PXDNL: variants seen among roughly 807,000 people sequenced by gnomAD.
PXDNL encodes probable oxidoreductase PXDNL.
Under a neutral mutation model 150.8 loss-of-function variants are expected in PXDNL, and 145 were observed. That is an observed-to-expected ratio of 0.96 (90% confidence interval 0.84 to 1.10). The LOEUF (loss-of-function observed/expected upper bound fraction) is 1.10. Ranked by LOEUF, PXDNL falls within the 50% of genes least tolerant of loss-of-function variation. PXDNL has a pLI of 0.00. For missense variants in PXDNL, 2,087 were observed against 1,873.9 expected, an observed-to-expected ratio of 1.11 and a Z score of -2.10; for synonymous variants, 757 against 725.7, an observed-to-expected ratio of 1.04 and a Z score of -0.69.
intron 21 of PXDNL, among the ~76,000 whole-genome samples, chr8:51,328,030 G>T (rs745966375): frequency 7.9e-5 from 12 of 152,226 alleles, no homozygotes; most frequent in Non-Finnish European, 1.3e-4. Context: ...ATTTAAACTG[G>T]TGAATTCTGG....
intron 1 of PXDNL, among the ~76,000 whole-genome samples, chr8:51,702,803 T>A (rs1366638581): frequency 6.6e-6 from 1 of 152,194 alleles, no homozygotes; most frequent in African/African-American, 2.4e-5. Context: ...TGGCCCCCAC[T>A]TGATCAGTTG....
At chr8:51,512,178 G>A (rs1000575325) in intron 4 of PXDNL, among the ~76,000 whole-genome samples, 2 of 152,152 alleles carry the variant, frequency 1.3e-5, no homozygotes, top group African/African-American at 4.8e-5. Context: ...TTCAGAGAAG[G>A]GCAGCATAAT....
intron 1 of PXDNL, among the ~76,000 whole-genome samples, chr8:51,720,904 G>C (rs113455755): frequency 6.6e-6 from 1 of 152,216 alleles, no homozygotes; most frequent in African/African-American, 2.4e-5. Flanking sequence ...ACAACAGAGG[G>C]AACTCCACAG....
At chr8:51,732,567 C>G (rs55939600) in intron 1 of PXDNL, among the ~76,000 whole-genome samples, 1 of 152,158 alleles carries the variant, frequency 6.6e-6, no homozygotes, top group Non-Finnish European at 1.5e-5. Flanking sequence ...GCGCCCCACT[C>G]TACCAGTACC....
At chr8:51,589,173 T>C (rs1813387069) in intron 3 of PXDNL, among the ~76,000 whole-genome samples, 1 of 152,152 alleles carries the variant, frequency 6.6e-6, no homozygotes, top group African/African-American at 2.4e-5. Flanking sequence ...GTCTTGGAGC[T>C]CCCAGCCTCC....
At chr8:51,350,906 A>G (rs1347998158) in intron 19 of PXDNL, among the ~76,000 whole-genome samples, 1 of 152,172 alleles carries the variant, frequency 6.6e-6, no homozygotes, top group Non-Finnish European at 1.5e-5. Flanking sequence ...TAATTTCTTA[A>G]TAACTCCTGT....
At position 51,423,671 on chromosome 8, in the gene PXDNL, T is replaced by C. The variant is rs199695996; in HGVS notation, c.1699A>G (p.Ile567Val). 350 of 1,613,778 alleles carry C rather than the reference T, an allele frequency of 2.2e-4. 1 individual carries two copies. Among genetic ancestry groups the C allele is most frequent in the Non-Finnish European group, 2.8e-4 (332 of 1,179,826 alleles). Residue 567 changes from isoleucine (I) to valine (V), a missense_variant, in exon 14 of 23, where the codon ATC becomes GTC. Transcript: ENST00000356297. Reference protein sequence around the residue: ...FHVDDEGTLTIYDAGFPDQGR... With the variant: ...FHVDDEGTLTVYDAGFPDQGR... ...TGGTCAGGGAACCCTGCGTCGTAGA[T>C]AGTCAGCGTGCCTTCATCATCCACA... is the stretch of plus-strand genomic sequence containing the variant.
intron 1 of PXDNL, among the ~76,000 whole-genome samples, chr8:51,718,112 G>A (rs1816654431): frequency 6.6e-6 from 1 of 152,130 alleles, no homozygotes; most frequent in Admixed American, 6.5e-5. Flanking sequence ...AGCTGCCTGA[G>A]GAGGCAGGCC....
chr8:51,434,577 A>C (rs1017837165), intron 12 of PXDNL, among the ~76,000 whole-genome samples: 1 of 152,214 alleles, frequency 6.6e-6, no homozygotes, highest in Non-Finnish European at 1.5e-5. Context: ...ATATACATTA[A>C]ATGTATTTTC....
chr8:51,799,197 T>C (rs755337374), intron 1 of PXDNL, among the ~76,000 whole-genome samples: 14 of 152,044 alleles, frequency 9.2e-5, no homozygotes, highest in Non-Finnish European at 2.1e-4. Flanking sequence ...TGAGATCACA[T>C]GGACACAAGG....
chr8:51,447,594 G>A (rs938534062), intron 11 of PXDNL, among the ~76,000 whole-genome samples: 7 of 152,134 alleles, frequency 4.6e-5, no homozygotes, highest in African/African-American at 1.7e-4. Context: ...GCAGCATATC[G>A]AAAATGGTGA....
intron 1 of PXDNL, among the ~76,000 whole-genome samples, chr8:51,760,923 ATCTCAGCTCACTGCAAGC>A (rs2037157551): frequency 8.4e-6 from 1 of 118,832 alleles, no homozygotes; most frequent in East Asian, 2.8e-4. Context: ...CAGTGGCGCG[ATCTCAGCTCACTGCAAGC>A]TCCGCCTCCC....
chr8:51,465,072 G>A (rs917504167), intron 8 of PXDNL, among the ~76,000 whole-genome samples: 1 of 152,002 alleles, frequency 6.6e-6, no homozygotes, highest in Non-Finnish European at 1.5e-5. Context: ...ATATCATCCT[G>A]ATACTAAAAT....
At chr8:51,531,324 C>G (rs987062097) in intron 4 of PXDNL, among the ~76,000 whole-genome samples, 1 of 152,198 alleles carries the variant, frequency 6.6e-6, no homozygotes, top group Non-Finnish European at 1.5e-5. Flanking sequence ...TGTTCTCTAA[C>G]GAGTCTTTGC....
chr8:51,388,862 G>T (rs943616892), intron 17 of PXDNL, among the ~76,000 whole-genome samples: 1 of 151,658 alleles, frequency 6.6e-6, no homozygotes, highest in South Asian at 2.1e-4. Context: ...TAGCTACTGA[G>T]ATCTTAATTT....
chr8:51,386,598 A>G (rs1032733434), intron 17 of PXDNL, among the ~76,000 whole-genome samples: 2 of 152,070 alleles, frequency 1.3e-5, no homozygotes, highest in Admixed American at 6.6e-5. Flanking sequence ...AATAGATAAT[A>G]TATATATAGG....
At chr8:51,434,620 TA>T (rs1185469769) in intron 12 of PXDNL, among the ~76,000 whole-genome samples, 1 of 152,238 alleles carries the variant, frequency 6.6e-6, no homozygotes, top group African/African-American at 2.4e-5. Context: ...GAATGTTTGC[TA>T]ATAATCTTTT....
At chr8:51,565,110 T>C (rs745319608) in intron 3 of PXDNL, among the ~76,000 whole-genome samples, 27 of 151,794 alleles carry the variant, frequency 1.8e-4, no homozygotes, top group Non-Finnish European at 7.4e-5. Flanking sequence ...AAATCTGAAA[T>C]GCTCCAAAAT....
At chr8:51,394,106 A>G (rs1807999701) in intron 17 of PXDNL, among the ~76,000 whole-genome samples, 1 of 152,208 alleles carries the variant, frequency 6.6e-6, no homozygotes, top group Admixed American at 6.5e-5. Flanking sequence ...AGTGTTAATG[A>G]AAAGTGTGAA....
Sources: allele counts gnomAD v4.1 joint callset (sites outside exome capture counted in the v4.1 genomes callset), GRCh38; gene constraint gnomAD v4.1.1; transcripts MANE v1.5; gene names NCBI Gene and HGNC (gene_info 2026-07-23, HGNC 2026-07-21).